The following FER variants were observed in gnomAD, a reference collection of about 807,000 sequenced individuals.
FER encodes the protein FER tyrosine kinase.
FER carries 63 observed loss-of-function variants against 111.0 expected under a neutral mutation model. The observed-to-expected ratio is 0.57, with a 90% confidence interval of 0.46 to 0.70. The LOEUF is 0.70. Ranked by LOEUF, FER falls within the 30% of genes least tolerant of loss-of-function variation. The pLI, the probability that FER is intolerant of heterozygous loss-of-function variation, is 0.00. For synonymous variants in FER, 327 were observed against 313.9 expected (o/e 1.04, Z -0.44); for missense variants, 914 against 954.0 (o/e 0.96, Z 0.55).
intron 13 of FER, among the ~76,000 whole-genome samples, chr5:108,986,023 A>G (rs2149734111): frequency 6.6e-6 from 1 of 152,350 alleles, no homozygotes; most frequent in Admixed American, 6.5e-5. Context: ...ATTGTTTTCC[A>G]TAGTGGTTAT....
intron 13 of FER, among the ~76,000 whole-genome samples, chr5:109,013,174 A>G (rs1766537407): frequency 6.6e-6 from 1 of 150,674 alleles, no homozygotes; most frequent in Non-Finnish European, 1.5e-5. Flanking sequence ...GGTGTGCTGA[A>G]CCCAGTAACT....
At chr5:108,901,277 T>C (rs988801343) in intron 10 of FER, among the ~76,000 whole-genome samples, 4 of 151,988 alleles carry the variant, frequency 2.6e-5, no homozygotes, top group Non-Finnish European at 5.9e-5. Flanking sequence ...TGAGGAAAGC[T>C]GTGGTTATGC....
intron 17 of FER, among the ~76,000 whole-genome samples, chr5:109,146,269 TA>T (rs1196642041): frequency 3.8e-5 from 2 of 52,366 alleles, no homozygotes; most frequent in Non-Finnish European, 9.0e-5. Context: ...TATATATATA[TA>T]TATATATATA....
At chr5:108,772,539 A>T (rs945821112) in intron 2 of FER, among the ~76,000 whole-genome samples, 1 of 151,972 alleles carries the variant, frequency 6.6e-6, no homozygotes, top group African/African-American at 2.4e-5. Flanking sequence ...TTAGAATACT[A>T]TTCAACCAAA....
intron 2 of FER, chr5:108,785,207 C>A: frequency 1.7e-6 from 1 of 602,818 alleles, no homozygotes; most frequent in African/African-American, 1.9e-5. Flanking sequence ...GACTATGTCT[C>A]CAAATGGATC....
intron 5 of FER, among the ~76,000 whole-genome samples, chr5:108,860,149 G>A (rs1763377778): frequency 6.6e-6 from 1 of 151,822 alleles, no homozygotes; most frequent in Non-Finnish European, 1.5e-5. Flanking sequence ...CACCATATTG[G>A]CCAGGCTGGT....
chr5:108,780,189 G>A (rs1753901039), intron 2 of FER, among the ~76,000 whole-genome samples: 1 of 151,988 alleles, frequency 6.6e-6, no homozygotes, highest in African/African-American at 2.4e-5. Context: ...TTCATCTCCA[G>A]TACTTTTCTT....
intron 13 of FER, among the ~76,000 whole-genome samples, chr5:108,978,773 T>C (rs538494958): frequency 1.3e-5 from 2 of 152,256 alleles, no homozygotes; most frequent in South Asian, 4.1e-4. Context: ...TAGGCATTAA[T>C]AGGAATATTA....
At chr5:108,910,227 G>A (rs139079780) in intron 10 of FER, among the ~76,000 whole-genome samples, 156 of 152,220 alleles carry the variant, frequency 1.0e-3, no homozygotes, top group African/African-American at 3.2e-3. Flanking sequence ...ATTAAGAAAT[G>A]CAATTAGAAA....
chr5:109,079,202 T>C (rs1211127260), intron 16 of FER, among the ~76,000 whole-genome samples: 2 of 152,172 alleles, frequency 1.3e-5, no homozygotes, highest in African/African-American at 4.8e-5. Flanking sequence ...AAAACCCTGT[T>C]AAAATCAACT....
intron 17 of FER, among the ~76,000 whole-genome samples, chr5:109,146,885 AAAT>A (rs1238421678): frequency 2.6e-5 from 4 of 152,096 alleles, no homozygotes; most frequent in Admixed American, 6.6e-5. Flanking sequence ...AGATTTAAAA[AAAT>A]AATAATAGAG....
intron 10 of FER, among the ~76,000 whole-genome samples, chr5:108,927,401 C>T (rs1753928006): frequency 6.6e-6 from 1 of 151,810 alleles, no homozygotes; most frequent in African/African-American, 2.4e-5. Flanking sequence ...GCTGGGACTA[C>T]AGGCGCCCGC....
chr5:108,980,330 A>G (rs1761890414), intron 13 of FER, among the ~76,000 whole-genome samples: 1 of 152,112 alleles, frequency 6.6e-6, no homozygotes, highest in African/African-American at 2.4e-5. Flanking sequence ...TTGAGGTCTA[A>G]AATCTTAGAA....
intron 13 of FER, among the ~76,000 whole-genome samples, chr5:108,999,282 C>G (rs762664782): frequency 6.6e-6 from 1 of 152,044 alleles, no homozygotes; most frequent in Admixed American, 6.6e-5. Flanking sequence ...ATTTTTTATA[C>G]AATTTTACTA....
At chr5:108,931,346 T>TA (rs1754647853) in intron 10 of FER, among the ~76,000 whole-genome samples, 1 of 152,020 alleles carries the variant, frequency 6.6e-6, no homozygotes, top group African/African-American at 2.4e-5. Flanking sequence ...TATTTTACAA[T>TA]AAAAAAAATT....
chr5:108,858,981 A>G (rs539217383), intron 5 of FER, among the ~76,000 whole-genome samples: 5 of 152,168 alleles, frequency 3.3e-5, no homozygotes, highest in South Asian at 2.1e-4. Context: ...GTGATTGGAG[A>G]TATGAATTCC....
intron 9 of FER, among the ~76,000 whole-genome samples, chr5:108,889,673 T>C (rs890263663): frequency 3.9e-5 from 6 of 152,030 alleles, no homozygotes; most frequent in Non-Finnish European, 8.8e-5. Flanking sequence ...TATAATAGGA[T>C]AGTTTATAAC....
chr5:108,832,962 A>G lies in FER; in HGVS notation c.381+19A>G. On this transcript the variant is annotated intron_variant, in intron 4 of 19. Coordinates refer to ENST00000281092, the MANE Select transcript of FER (RefSeq NM_005246.4). ...GATCAAGGTTCGTTTTTCCATATTG[A>G]AGTTCTTTCTTGAAATTGTTTTCCA... 1 of 1,518,634 alleles carries G rather than the reference A, an allele frequency of 6.6e-7. No individual in the cohort carries two copies. The highest frequency in any genetic ancestry group is 1.3e-5 in the South Asian group (1 of 77,786). 94.1% of individuals were successfully genotyped at this position (1,518,634 alleles called of 1,614,324 possible).
intron 13 of FER, among the ~76,000 whole-genome samples, chr5:108,990,937 A>C (rs1763087122): frequency 6.6e-6 from 1 of 151,804 alleles, no homozygotes; most frequent in African/African-American, 2.4e-5. Context: ...ATATGTACAT[A>C]ACTTATGAAG....
Sources: gnomAD v4.1 joint callset for allele counts (sites outside exome capture counted in the v4.1 genomes callset) on GRCh38, gnomAD v4.1.1 for gene constraint, MANE v1.5 for transcripts, NCBI Gene and HGNC (gene_info 2026-07-23, HGNC 2026-07-21) for gene names.